The following IGFBP7 variants were observed in gnomAD, a reference collection of about 807,000 sequenced individuals.
The protein encoded by IGFBP7 is insulin like growth factor binding protein 7, also known as insulin-like growth factor-binding protein 7.
A neutral mutation model predicts 29.4 loss-of-function variants in IGFBP7; 31 were observed. The observed-to-expected ratio is 1.05, with a 90% CI of 0.79 to 1.42. The LOEUF (loss-of-function observed/expected upper bound fraction) is 1.42. Ranked by LOEUF, IGFBP7 falls within the 40% of genes most tolerant of loss-of-function variation. The pLI, the probability that IGFBP7 is intolerant of heterozygous loss-of-function variation, is 0.00. For missense variants in IGFBP7, 393 were observed against 395.5 expected (o/e 0.99, Z 0.05); for synonymous variants, 172 against 174.9 (o/e 0.98, Z 0.13).
chr4:57,098,202 C>T (rs575321244), intron 1 of IGFBP7, among the ~76,000 whole-genome samples: 17 of 151,314 alleles, frequency 1.1e-4, no homozygotes, highest in African/African-American at 3.4e-4. Flanking sequence ...AATCTGGGGA[C>T]GGAGTTAGGA....
chr4:57,031,686 C>A (rs1481516251), intron 4 of IGFBP7, among the ~76,000 whole-genome samples: 4 of 152,200 alleles, frequency 2.6e-5, no homozygotes, highest in African/African-American at 9.7e-5. Flanking sequence ...AGTAGCAGAG[C>A]TGAGACTCAA....
chr4:57,068,641 A>G (rs887762709), intron 1 of IGFBP7, among the ~76,000 whole-genome samples: 2 of 152,232 alleles, frequency 1.3e-5, no homozygotes, highest in African/African-American at 4.8e-5. Context: ...AAAAGAAAAT[A>G]TCAAAAGATG....
chr4:57,100,180 T>C (rs544920215), intron 1 of IGFBP7, among the ~76,000 whole-genome samples: 11 of 149,024 alleles, frequency 7.4e-5, no homozygotes, highest in African/African-American at 2.7e-4. Flanking sequence ...AGCGACCCTC[T>C]CACTTTAGCC....
rs774176570 is a variant in IGFBP7, at chr4:57,033,315, C to G, written c.586-4G>C. 12 of 1,594,920 alleles carry G rather than the reference C, an allele frequency of 7.5e-6. No individual in the cohort carries two copies. The East Asian group carries it at 2.2e-4, about 30-fold the overall frequency. On this transcript the variant is annotated splice_polypyrimidine_tract_variant and splice_region_variant and intron_variant, in intron 2 of 4. Transcript: ENST00000295666. ...CTCCATAGTGACCCCTTTTTACCTG[C>G]AAAAACAAAAGGAGAGTAATACTGA...
intron 1 of IGFBP7, among the ~76,000 whole-genome samples, chr4:57,105,992 T>C (rs1005711999): frequency 1.5e-4 from 22 of 151,150 alleles, no homozygotes; most frequent in African/African-American, 4.4e-4. Context: ...CTGCAAGCTC[T>C]GCCTCCCAGG....
intron 1 of IGFBP7, among the ~76,000 whole-genome samples, chr4:57,078,320 A>C (rs1371350553): frequency 6.6e-6 from 1 of 152,126 alleles, no homozygotes; most frequent in East Asian, 1.9e-4. Context: ...AAGGCTCATA[A>C]ATGATAGAGC....
At chr4:57,088,292 C>T (rs1014795901) in intron 1 of IGFBP7, among the ~76,000 whole-genome samples, 12 of 152,098 alleles carry the variant, frequency 7.9e-5, no homozygotes, top group African/African-American at 2.9e-4. Flanking sequence ...GTGCTTTTTA[C>T]AGCACTATTG....
At chr4:57,094,105 T>A (rs1175127449) in intron 1 of IGFBP7, among the ~76,000 whole-genome samples, 1 of 152,212 alleles carries the variant, frequency 6.6e-6, no homozygotes, top group East Asian at 1.9e-4. Flanking sequence ...TCCACCAGGA[T>A]GGACTGCAGG....
At position 57,033,257 on chromosome 4, in the gene IGFBP7, C is replaced by T; in HGVS notation, c.640G>A (p.Asp214Asn). The change falls in exon 3 of 5, where the codon GAC (aspartate) becomes AAC (asparagine). Residue 214 changes from aspartate (D) to asparagine (N), a missense_variant. By Grantham distance (23) the Asp-to-Asn change is conservative (BLOSUM62 1). Transcript: ENST00000295666. The part of the protein sequence containing the change: ...QRTELLPGDR[D>N]NLAIQTRGGP... Reference sequence around the variant, plus strand: ...CCCCGGGTCTGAATGGCCAGGTTGTCCCGGTCACCAGGCAGGAGTTCTGTC... The same window carrying T: ...CCCCGGGTCTGAATGGCCAGGTTGTTCCGGTCACCAGGCAGGAGTTCTGTC... 6.2e-7 allele frequency: 1 copy of T among 1,614,158 alleles called. No individual in the cohort carries two copies. The highest frequency in any genetic ancestry group is 8.5e-7 in the Non-Finnish European group (1 of 1,180,012).
At chr4:57,084,297 G>A (rs924969028) in intron 1 of IGFBP7, among the ~76,000 whole-genome samples, 1 of 151,950 alleles carries the variant, frequency 6.6e-6, no homozygotes, top group African/African-American at 2.4e-5. Context: ...TTTAATAGGA[G>A]CATATGCTGG....
chr4:57,077,959 T>C (rs1193700526), intron 1 of IGFBP7, among the ~76,000 whole-genome samples: 1 of 152,208 alleles, frequency 6.6e-6, no homozygotes, highest in Non-Finnish European at 1.5e-5. Context: ...CACTATTACT[T>C]ACAATTTCAA....
Position 57,110,086 on chromosome 4 carries a change from T to C in IGFBP7, c.266A>G (p.Lys89Arg), listed in dbSNP as rs1353392945. ...GYCAPGMECV[K>R]SRKRRKGKAG... ...TTTACCCTTCCGCCTCTTGCGGCTC[T>C]TCACGCACTCCATGCCCGGCGCGCA... Residue 89 changes from lysine (K) to arginine (R), a missense_variant, in exon 1 of 5, where the codon AAG becomes AGG. By Grantham distance (26) the Lys-to-Arg change is conservative (BLOSUM62 2). Transcript: ENST00000295666. 7 of 1,552,882 alleles carry C rather than the reference T, an allele frequency of 4.5e-6. No homozygotes were observed. The highest frequency in any genetic ancestry group is 5.2e-6 in the Non-Finnish European group (6 of 1,155,366).
chr4:57,108,851 T>A (rs1391783077), intron 1 of IGFBP7, among the ~76,000 whole-genome samples: 1 of 152,154 alleles, frequency 6.6e-6, no homozygotes, highest in African/African-American at 2.4e-5. Flanking sequence ...CCGGCCTATT[T>A]CCTTATTTCA....
Position 57,110,135 on chromosome 4 carries a change from C to A in IGFBP7, c.217G>T (p.Gly73Cys). ...CAGTACCCCCTGCCGGCGCCGCCACCCCCGCACGGCTCGCCCTCGCCGCGG... is the reference window on the plus strand; with the variant it reads ...CAGTACCCCCTGCCGGCGCCGCCACACCCGCACGGCTCGCCCTCGCCGCGG... ...CARGEGEPCGGGGAGRGYCAP... is the reference protein window; with the variant it reads ...CARGEGEPCGCGGAGRGYCAP... Residue 73 changes from glycine to cysteine, a missense_variant, in exon 1 of 5, where the codon GGT (glycine) becomes TGT (cysteine). Gly to Cys is a radical substitution (Grantham distance 159, BLOSUM62 -3). Transcript: ENST00000295666. 3 of 1,494,190 alleles carry A rather than the reference C, an allele frequency of 2.0e-6. No individual in the cohort carries two copies. The highest frequency in any genetic ancestry group is 1.3e-5 in the South Asian group (1 of 79,428). The allele number at this position is 1,494,190 out of a possible 1,614,324, so 92.6% of individuals were successfully genotyped here.
intron 1 of IGFBP7, among the ~76,000 whole-genome samples, chr4:57,085,348 C>T (rs964184360): frequency 2.6e-5 from 4 of 152,098 alleles, no homozygotes; most frequent in Non-Finnish European, 5.9e-5. Context: ...GTGGTTGCTG[C>T]TTTTGATCAT....
At chr4:57,102,274 C>T (rs770374740) in intron 1 of IGFBP7, among the ~76,000 whole-genome samples, 13 of 152,176 alleles carry the variant, frequency 8.5e-5, no homozygotes, top group African/African-American at 1.7e-4. Context: ...CTACAGTGGA[C>T]CCCGAGGGCA....
intron 1 of IGFBP7, among the ~76,000 whole-genome samples, chr4:57,070,078 C>A (rs1316189491): frequency 6.6e-6 from 1 of 152,046 alleles, no homozygotes; most frequent in Middle Eastern, 3.2e-3. Flanking sequence ...GAGATCCTGT[C>A]TCAAAAAAAC....
At chr4:57,066,974 GT>G (rs61431158) in intron 1 of IGFBP7, among the ~76,000 whole-genome samples, 21,565 of 142,486 alleles carry the variant, frequency 0.15, 1,645 homozygotes, top group Admixed American at 0.27. Flanking sequence ...TTTTTGGAAG[GT>G]TTTTTTTTTT....
chr4:57,061,836 T>C (rs1255843647), intron 1 of IGFBP7, among the ~76,000 whole-genome samples: 1 of 152,196 alleles, frequency 6.6e-6, no homozygotes, highest in Non-Finnish European at 1.5e-5. Context: ...TTTTTACTTT[T>C]TTAAAAATAA....
Sources: allele counts gnomAD v4.1 joint callset (sites outside exome capture counted in the v4.1 genomes callset), GRCh38; gene constraint gnomAD v4.1.1; transcripts MANE v1.5; gene names NCBI Gene and HGNC (gene_info 2026-07-23, HGNC 2026-07-21).